Variants in UBA2 observed in about 807,000 individuals in gnomAD.
UBA2 encodes the protein SUMO-activating enzyme subunit 2.
UBA2 carries 11 observed loss-of-function variants against 77.2 expected under a neutral mutation model. The ratio of observed to expected loss-of-function variants is 0.14; its 90% confidence interval spans 0.09 to 0.24. The LOEUF (loss-of-function observed/expected upper bound fraction) is 0.24. Among genes scored for constraint, UBA2 ranks in the 10% least tolerant of loss-of-function variants. The pLI, the probability that UBA2 is intolerant of heterozygous loss-of-function variation, is 1.00. For missense variants in UBA2, 487 were observed against 781.7 expected (o/e 0.62, Z 4.50); for synonymous variants, 278 against 276.7 (o/e 1.00, Z -0.05).
intron 10 of UBA2, 42 bp downstream of exon 10, chr19:34,452,189 G>A (rs376775466): frequency 1.2e-5 from 18 of 1,467,008 alleles, no homozygotes; most frequent in Non-Finnish European, 1.6e-5. Flanking sequence ...CATGTCAAAA[G>A]TGTGTTTTAG....
At chr19:34,440,748 G>A (rs1029661591) in intron 6 of UBA2, among the ~76,000 whole-genome samples, 3 of 152,060 alleles carry the variant, frequency 2.0e-5, no homozygotes, top group African/African-American at 2.4e-5. Flanking sequence ...CCAATATGGC[G>A]AAATCCTGTC....
intron 7 of UBA2, among the ~76,000 whole-genome samples, chr19:34,444,417 G>T (rs1048132338): frequency 4.7e-4 from 71 of 152,170 alleles, no homozygotes; most frequent in African/African-American, 1.6e-3. Flanking sequence ...AAGGTTAAGA[G>T]AAATTTCACA....
chr19:34,465,152 T>C (rs1240868970), intron 15 of UBA2, among the ~76,000 whole-genome samples: 1 of 152,236 alleles, frequency 6.6e-6, no homozygotes, highest in Non-Finnish European at 1.5e-5. Flanking sequence ...TTGTTCATGC[T>C]CATTGACATG....
At chr19:34,453,305 ATATC>A (rs1192262821) in intron 10 of UBA2, among the ~76,000 whole-genome samples, 1 of 152,136 alleles carries the variant, frequency 6.6e-6, no homozygotes. Flanking sequence ...GACCAGGGTG[ATATC>A]TTCTCAGTTC....
chr19:34,433,851 C>T (rs901731866), intron 4 of UBA2, among the ~76,000 whole-genome samples: 2 of 151,976 alleles, frequency 1.3e-5, no homozygotes, highest in Admixed American at 6.6e-5. Context: ...CCAGCTTCTC[C>T]GGAGGCTGAG....
At chr19:34,444,952 A>C (rs2075412395) in intron 7 of UBA2, 48 bp from the exon 8 acceptor site, 1 of 1,573,478 alleles carries the variant, frequency 6.4e-7, no homozygotes, top group African/African-American at 1.4e-5. Flanking sequence ...AAAAGAGTTC[A>C]GTTCTACATT....
chr19:34,433,014 G>C (rs1022114607), intron 3 of UBA2, among the ~76,000 whole-genome samples: 1 of 152,170 alleles, frequency 6.6e-6, no homozygotes, highest in African/African-American at 2.4e-5. Context: ...TCAGAGGCCA[G>C]GCAGATCCTG....
At chr19:34,466,080 A>T (rs2075684377) in intron 15 of UBA2, among the ~76,000 whole-genome samples, 2 of 151,960 alleles carry the variant, frequency 1.3e-5, no homozygotes, top group Non-Finnish European at 2.9e-5. Flanking sequence ...TCACACCTGT[A>T]ATCCCAGCAC....
chr19:34,459,673 C>G (rs1413558812), intron 13 of UBA2, among the ~76,000 whole-genome samples: 2 of 152,156 alleles, frequency 1.3e-5, no homozygotes. Context: ...CCAAAAGTGT[C>G]ACTTTCCACT....
chr19:34,451,546 T>TG (rs2075497355), intron 9 of UBA2, among the ~76,000 whole-genome samples: 2 of 125,182 alleles, frequency 1.6e-5, no homozygotes, highest in Non-Finnish European at 3.4e-5. Context: ...GTTTTTTTTT[T>TG]TTTTTTTTTT....
chr19:34,441,785 G>A (rs980863595), intron 6 of UBA2, among the ~76,000 whole-genome samples: 2 of 152,048 alleles, frequency 1.3e-5, no homozygotes, highest in Non-Finnish European at 2.9e-5. Flanking sequence ...GTGGGGTGTG[G>A]TGGCACACGC....
rs188526320 is a variant in UBA2, at chr19:34,460,138, G to A, written c.1402-332G>A. ...CATCTATGAAACCCCTGCCATTACA[G>A]GGTTGGCACAGAGACTGAAATGAAA... On this transcript the variant is annotated intron_variant, in intron 13 of 16. Transcript: ENST00000246548. Among the ~76,000 whole-genome samples the A allele has an allele frequency of 1.1e-3, 168 of 152,320 alleles. 1 individual carries two copies. In the East Asian group the frequency reaches 0.022, roughly 20 times the overall value.
chr19:34,452,236 T>C, intron 10 of UBA2, 89 bp downstream of exon 10: 1 of 1,168,388 alleles, frequency 8.6e-7, no homozygotes, highest in Non-Finnish European at 1.2e-6. Flanking sequence ...ATTTTTTGAA[T>C]ATTTACTAGA....
At chr19:34,443,616 A>G (rs555232837) in intron 6 of UBA2, among the ~76,000 whole-genome samples, 3 of 151,688 alleles carry the variant, frequency 2.0e-5, no homozygotes, top group South Asian at 4.2e-4. Context: ...TAATTTTTAT[A>G]TTTTTGGTAG....
intron 8 of UBA2, among the ~76,000 whole-genome samples, chr19:34,449,290 G>A (rs923160674): frequency 4.0e-5 from 6 of 151,320 alleles, no homozygotes; most frequent in Admixed American, 1.3e-4. Flanking sequence ...GGATGGTCTC[G>A]ATCTCTTGAC....
chr19:34,443,761 G>C (rs915427909), intron 6 of UBA2, 83 bp from the exon 7 acceptor site: 2 of 995,436 alleles, frequency 2.0e-6, no homozygotes, highest in Non-Finnish European at 3.2e-6. Context: ...CTTTATCTCT[G>C]CTAAATATTT....
intron 8 of UBA2, among the ~76,000 whole-genome samples, chr19:34,446,608 CTTTCTTTTT>C (rs1170547861): frequency 6.9e-5 from 10 of 145,152 alleles, no homozygotes; most frequent in African/African-American, 2.4e-4. Context: ...TTTTTTTTTT[CTTTCTTTTT>C]TTTTTTTTTT....
chr19:34,451,536 G>GTTTTT lies in UBA2; in HGVS notation c.872-420_872-416dup, dbSNP rs773178552. On this transcript the variant is annotated intron_variant, in intron 9 of 16. Transcript: ENST00000246548. ...TACCTTTCCTATCTCAGGTTTAACA[G>GTTTTT]TTTTTTTTTTTTTTTTTTTTTTTTT... Among the ~76,000 whole-genome samples the GTTTTT allele has an allele frequency of 2.4e-4, 15 of 62,964 alleles. 1 individual carries two copies. Among genetic ancestry groups the GTTTTT allele is most frequent in the Admixed American group, 5.3e-4 (2 of 3,754 alleles). 41.3% of individuals were successfully genotyped at this position (62,964 alleles called of 152,430 possible).
intron 6 of UBA2, among the ~76,000 whole-genome samples, chr19:34,440,502 A>G (rs1407492820): frequency 1.3e-5 from 2 of 152,224 alleles, no homozygotes; most frequent in African/African-American, 4.8e-5. Flanking sequence ...AAAAGGGAAT[A>G]CTACTTAGCT....
Sources: gnomAD v4.1 joint callset for allele counts (sites outside exome capture counted in the v4.1 genomes callset) on GRCh38, gnomAD v4.1.1 for gene constraint, MANE v1.5 for transcripts, NCBI Gene and HGNC (gene_info 2026-07-23, HGNC 2026-07-21) for gene names.